Variants in THSD7A observed in about 807,000 individuals in gnomAD.
The protein encoded by THSD7A is thrombospondin type 1 domain containing 7A.
A neutral mutation model predicts 231.3 loss-of-function variants in THSD7A; 96 were observed. The ratio of observed to expected loss-of-function variants is 0.41; its 90% confidence interval spans 0.35 to 0.49. The LOEUF (loss-of-function observed/expected upper bound fraction) is 0.49. Among genes scored for constraint, THSD7A ranks in the 20% least tolerant of loss-of-function variants. The pLI, the probability that THSD7A is intolerant of heterozygous loss-of-function variation, is 0.05. For missense variants in THSD7A, 2,290 were observed against 2,070.2 expected (o/e 1.11, Z -2.06); for synonymous variants, 940 against 743.3 (o/e 1.26, Z -4.30).
At chr7:11,566,965 T>TAGCGGGC in intron 4 of THSD7A, among the ~76,000 whole-genome samples, 1 of 92,390 alleles carries the variant, frequency 1.1e-5, no homozygotes, top group Admixed American at 9.7e-5. Context: ...TGTGGGAGAG[T>TAGCGGGC]GGGGGGGGGA....
intron 13 of THSD7A, among the ~76,000 whole-genome samples, chr7:11,438,722 AATGCCAGTATG>A (rs1309619226): frequency 1.3e-5 from 2 of 152,032 alleles, no homozygotes; most frequent in African/African-American, 4.8e-5. Flanking sequence ...TAGCTTTCTG[AATGCCAGTATG>A]ATGTCCACAT....
chr7:11,577,558 C>G (rs1562737464), intron 4 of THSD7A, among the ~76,000 whole-genome samples: 2 of 151,712 alleles, frequency 1.3e-5, no homozygotes, highest in Non-Finnish European at 2.9e-5. Context: ...TTCAAGTGAT[C>G]TGCCCGCCTC....
chr7:11,758,502 G>T (rs1040058620), intron 1 of THSD7A, among the ~76,000 whole-genome samples: 2 of 151,986 alleles, frequency 1.3e-5, no homozygotes, highest in Non-Finnish European at 2.9e-5. Flanking sequence ...GCAGGGTTTG[G>T]CTGTAAAAGT....
At chr7:11,472,237 C>A (rs903441424) in intron 8 of THSD7A, among the ~76,000 whole-genome samples, 1 of 152,008 alleles carries the variant, frequency 6.6e-6, no homozygotes. Context: ...TGGTTTAAAT[C>A]AAGAAATTGA....
At chr7:11,797,671 G>A (rs754748096) in intron 1 of THSD7A, among the ~76,000 whole-genome samples, 10 of 151,578 alleles carry the variant, frequency 6.6e-5, no homozygotes, top group African/African-American at 9.7e-5. Flanking sequence ...CTCCCACCTC[G>A]GCCTCCTAAA....
intron 1 of THSD7A, among the ~76,000 whole-genome samples, chr7:11,750,475 T>A (rs559167633): frequency 6.6e-6 from 1 of 152,032 alleles, no homozygotes; most frequent in Non-Finnish European, 1.5e-5. Flanking sequence ...GTTCCCTTTT[T>A]TAATTGTAAC....
chr7:11,785,703 A>AACTC (rs919760443), intron 1 of THSD7A, among the ~76,000 whole-genome samples: 11 of 152,080 alleles, frequency 7.2e-5, no homozygotes, highest in Non-Finnish European at 1.6e-4. Flanking sequence ...TGTTCTAATA[A>AACTC]ACTCCCTGAA....
intron 1 of THSD7A, among the ~76,000 whole-genome samples, chr7:11,689,549 A>T (rs1032692697): frequency 5.3e-5 from 8 of 151,622 alleles, no homozygotes; most frequent in Non-Finnish European, 8.9e-5. Context: ...CTTTTATCAA[A>T]CCAAGTAAAT....
intron 1 of THSD7A, among the ~76,000 whole-genome samples, chr7:11,821,960 T>C (rs1194271402): frequency 1.3e-5 from 2 of 152,148 alleles, no homozygotes; most frequent in Admixed American, 6.5e-5. Context: ...TTTGGCTAGG[T>C]CCAATTATGC....
intron 2 of THSD7A, among the ~76,000 whole-genome samples, chr7:11,599,683 T>C (rs534098556): frequency 6.6e-6 from 1 of 152,302 alleles, no homozygotes; most frequent in East Asian, 1.9e-4. Flanking sequence ...TTTAAGATTA[T>C]GTATCATCTC....
In THSD7A at chr7:11,769,146, TATATATA is replaced by T. The variant is rs1182784933; in HGVS notation, c.190+62604_190+62610del. On this transcript the variant is annotated intron_variant, in intron 1 of 27. Coordinates refer to ENST00000423059, the MANE Select transcript of THSD7A (RefSeq NM_015204.3). Reference sequence around the variant, plus strand: ...CAATATATATATATATATATATATATATATATATTTTTTTTTTTTTTTGGTATTTTTG... The same window carrying T: ...CAATATATATATATATATATATATATTTTTTTTTTTTTTTTGGTATTTTTG... Among the ~76,000 whole-genome samples, 161 of 67,606 alleles carry T rather than the reference TATATATA, an allele frequency of 2.4e-3. 3 individuals carry two copies. The highest frequency in any genetic ancestry group is 7.6e-3 in the African/African-American group (151 of 19,748). The allele number at this position is 67,606 out of a possible 152,430, so 44.4% of individuals were successfully genotyped here.
intron 2 of THSD7A, among the ~76,000 whole-genome samples, chr7:11,603,673 A>G: frequency 6.6e-6 from 1 of 151,754 alleles, no homozygotes; most frequent in African/African-American, 2.4e-5. Flanking sequence ...TGTGGCACAT[A>G]TACACCATGG....
chr7:11,793,874 C>T (rs900411556), intron 1 of THSD7A, among the ~76,000 whole-genome samples: 3 of 151,512 alleles, frequency 2.0e-5, no homozygotes, highest in African/African-American at 7.3e-5. Context: ...TTTAAGGAAA[C>T]ACAAGTAAAA....
At chr7:11,478,703 A>T (rs914940066) in intron 7 of THSD7A, among the ~76,000 whole-genome samples, 1 of 152,162 alleles carries the variant, frequency 6.6e-6, no homozygotes, top group African/African-American at 2.4e-5. Flanking sequence ...AAGAGGAACA[A>T]AAATAATTAA....
chr7:11,386,015 C>T (rs887804394), intron 23 of THSD7A, among the ~76,000 whole-genome samples: 7 of 152,140 alleles, frequency 4.6e-5, no homozygotes, highest in Admixed American at 4.6e-4. Context: ...TGGTTTCTAG[C>T]TTCATCCATG....
chr7:11,583,218 T>A (rs539513512), intron 4 of THSD7A, among the ~76,000 whole-genome samples: 1 of 152,182 alleles, frequency 6.6e-6, no homozygotes, highest in Non-Finnish European at 1.5e-5. Context: ...TTATTTTTAA[T>A]CTTGTAAAGT....
At chr7:11,771,101 A>G (rs1471485146) in intron 1 of THSD7A, among the ~76,000 whole-genome samples, 1 of 151,084 alleles carries the variant, frequency 6.6e-6, no homozygotes, top group Non-Finnish European at 1.5e-5. Flanking sequence ...TATATATAGA[A>G]ACATTGACTA....
At chr7:11,683,740 C>T (rs1240373558) in intron 1 of THSD7A, among the ~76,000 whole-genome samples, 1 of 151,714 alleles carries the variant, frequency 6.6e-6, no homozygotes, top group Non-Finnish European at 1.5e-5. Flanking sequence ...AAAAAACTAC[C>T]AACCCAAAAA....
chr7:11,534,258 A>T (rs1788824477), intron 6 of THSD7A, among the ~76,000 whole-genome samples: 1 of 152,200 alleles, frequency 6.6e-6, no homozygotes, highest in Non-Finnish European at 1.5e-5. Context: ...ATATTCCATC[A>T]AAAGGCAAAG....
Sources: gnomAD v4.1 joint callset for allele counts (sites outside exome capture counted in the v4.1 genomes callset) on GRCh38, gnomAD v4.1.1 for gene constraint, MANE v1.5 for transcripts, NCBI Gene and HGNC (gene_info 2026-07-23, HGNC 2026-07-21) for gene names.